The following ROBO1 variants were observed in gnomAD, a reference collection of about 807,000 sequenced individuals.
ROBO1 encodes the protein roundabout homolog 1.
Under a neutral mutation model 195.9 loss-of-function variants are expected in ROBO1, and 149 were observed. That is an observed-to-expected ratio of 0.76 (90% CI 0.67 to 0.87). The LOEUF (loss-of-function observed/expected upper bound fraction) is 0.87, where lower values mean the gene tolerates loss of function less well. Among genes scored for constraint, ROBO1 ranks in the 40% least tolerant of loss-of-function variants. The pLI, the probability that ROBO1 is intolerant of heterozygous loss-of-function variation, is 0.00. For synonymous variants in ROBO1, 816 were observed against 733.2 expected, an observed-to-expected ratio of 1.11 and a Z score of -1.82; for missense variants, 1,933 against 2,068.3, an observed-to-expected ratio of 0.93 and a Z score of 1.27.
chr3:79,061,491 GA>G (rs1159558831), intron 3 of ROBO1, among the ~76,000 whole-genome samples: 1 of 152,010 alleles, frequency 6.6e-6, no homozygotes, highest in African/African-American at 2.4e-5. Context: ...CACAGAATTG[GA>G]AAAAACTACT....
intron 2 of ROBO1, among the ~76,000 whole-genome samples, chr3:79,263,723 T>C (rs1416560753): frequency 6.6e-6 from 1 of 152,044 alleles, no homozygotes; most frequent in Non-Finnish European, 1.5e-5. Flanking sequence ...ATCATCAGTC[T>C]TCCTGTTTTG....
intron 3 of ROBO1, among the ~76,000 whole-genome samples, chr3:79,111,739 T>C (rs888266446): frequency 4.6e-5 from 7 of 152,162 alleles, no homozygotes; most frequent in African/African-American, 1.7e-4. Flanking sequence ...TAGCTGAATT[T>C]ATTGTTATGG....
chr3:79,485,411 T>C (rs1013826450), intron 2 of ROBO1, among the ~76,000 whole-genome samples: 1 of 152,084 alleles, frequency 6.6e-6, no homozygotes, highest in Admixed American at 6.6e-5. Context: ...GAATAAGTAA[T>C]GACATTATTA....
chr3:78,780,187 A>G (rs951139214), intron 4 of ROBO1, among the ~76,000 whole-genome samples: 1 of 152,122 alleles, frequency 6.6e-6, no homozygotes, highest in Admixed American at 6.6e-5. Context: ...GCACACCACC[A>G]TAGCACGTGT....
intron 2 of ROBO1, among the ~76,000 whole-genome samples, chr3:79,176,505 TG>T (rs2081263841): frequency 6.6e-6 from 1 of 152,186 alleles, no homozygotes; most frequent in African/African-American, 2.4e-5. Context: ...TCACCCAGGC[TG>T]GGGTGCAGTG....
At chr3:78,957,073 A>G (rs75453639) in intron 3 of ROBO1, among the ~76,000 whole-genome samples, 5 of 152,296 alleles carry the variant, frequency 3.3e-5, no homozygotes, top group East Asian at 1.9e-4. Context: ...TTCCTTCTCT[A>G]TAAGTGTGTG....
intron 2 of ROBO1, among the ~76,000 whole-genome samples, chr3:79,308,183 T>G (rs2033309636): frequency 6.6e-6 from 1 of 152,196 alleles, no homozygotes; most frequent in Admixed American, 6.5e-5. Context: ...AAAATGTATG[T>G]ACTCATTAAC....
chr3:78,986,457 T>C (rs1399830704), intron 3 of ROBO1, among the ~76,000 whole-genome samples: 1 of 151,766 alleles, frequency 6.6e-6, no homozygotes, highest in African/African-American at 2.4e-5. Context: ...ATCCCAACTC[T>C]CAAATCGCTT....
intron 8 of ROBO1, among the ~76,000 whole-genome samples, chr3:78,711,353 TC>T (rs2081701177): frequency 4.7e-5 from 2 of 42,374 alleles, no homozygotes; most frequent in African/African-American, 2.4e-4. Flanking sequence ...CCTTCCTCCT[TC>T]CTTCCTTCCT....
intron 2 of ROBO1, among the ~76,000 whole-genome samples, chr3:79,145,316 T>C (rs1057213349): frequency 6.6e-6 from 1 of 151,002 alleles, no homozygotes; most frequent in Admixed American, 6.6e-5. Flanking sequence ...ATTTATAGAC[T>C]CTGGAATCAA....
chr3:78,627,482 G>A lies in ROBO1; in HGVS notation c.3714C>T (p.Gly1238=), dbSNP rs757872468. ...DELEEEEDER[G]PTPPVRGAAS... is the part of the protein sequence containing the mutation. ...CTGCTCCCCGAACAGGGGGAGTGGGGCCTCGTTCATCTTCCTCCTCTTCTA... is the reference window on the plus strand; with the variant it reads ...CTGCTCCCCGAACAGGGGGAGTGGGACCTCGTTCATCTTCCTCCTCTTCTA... Residue 1238 remains glycine, a synonymous_variant, in exon 26 of 31, where the codon GGC becomes GGT. Transcript: ENST00000464233. 6.2e-7 allele frequency: 1 copy of A among 1,613,198 alleles called. No individual in the cohort carries two copies. The highest frequency in any genetic ancestry group is 8.5e-7 in the Non-Finnish European group (1 of 1,179,596).
In ROBO1 at chr3:79,262,656, A is replaced by C. The variant is rs188415357; in HGVS notation, c.89-137117T>G. 1.4e-3 allele frequency among the ~76,000 whole-genome samples: 213 copies of C among 152,236 alleles called. 1 individual carries two copies. The highest frequency in any genetic ancestry group is 2.5e-3 in the Non-Finnish European group (173 of 68,008). On this transcript the variant is annotated intron_variant, in intron 2 of 30. Coordinates refer to ENST00000464233, the MANE Select transcript of ROBO1 (RefSeq NM_002941.4). Reference sequence around the variant, plus strand: ...AATAAACATAGCTTACAGTACTAAAAGTACAAAGAGAAATTGCTTTTAAAA... The same window carrying C: ...AATAAACATAGCTTACAGTACTAAACGTACAAAGAGAAATTGCTTTTAAAA...
intron 2 of ROBO1, among the ~76,000 whole-genome samples, chr3:79,157,768 A>T (rs756235847): frequency 6.6e-6 from 1 of 151,948 alleles, no homozygotes; most frequent in Non-Finnish European, 1.5e-5. Context: ...TAATCTAGGT[A>T]ACCACAGATA....
chr3:79,306,098 T>C (rs1257617218), intron 2 of ROBO1, among the ~76,000 whole-genome samples: 4 of 152,202 alleles, frequency 2.6e-5, no homozygotes, highest in African/African-American at 9.7e-5. Flanking sequence ...ACTTACTTCA[T>C]AAATCTTTTG....
chr3:79,237,480 CAA>C lies in ROBO1; in HGVS notation c.89-111943_89-111942del, dbSNP rs11284278. On this transcript the variant is annotated intron_variant, in intron 2 of 30. Coordinates refer to ENST00000464233, the MANE Select transcript of ROBO1 (RefSeq NM_002941.4). ...TGGGCGACAGAGCAAGACTCCATCT[CAA>C]AAAAAAAAAAATAATAATAAAAAAG... Among the ~76,000 whole-genome samples, 428 of 147,518 alleles carry C rather than the reference CAA, an allele frequency of 2.9e-3. 3 individuals are homozygous for C. Among genetic ancestry groups the C allele is most frequent in the African/African-American group, 7.6e-3 (305 of 40,150 alleles).
At chr3:79,641,845 C>T (rs1314870047) in intron 1 of ROBO1, among the ~76,000 whole-genome samples, 1 of 151,912 alleles carries the variant, frequency 6.6e-6, no homozygotes, top group Admixed American at 6.6e-5. Flanking sequence ...TGGTGAAACC[C>T]CATCTCTATA....
At chr3:79,590,012 A>T (rs1458460481) in intron 1 of ROBO1, 51 bp from the exon 2 acceptor site, 1 of 763,864 alleles carries the variant, frequency 1.3e-6, no homozygotes, top group Non-Finnish European at 2.2e-6. Context: ...ATGCTGAGAA[A>T]CAATTATTTT....
At chr3:78,860,148 T>C (rs867196990) in intron 4 of ROBO1, among the ~76,000 whole-genome samples, 1 of 140,598 alleles carries the variant, frequency 7.1e-6, no homozygotes, top group East Asian at 2.0e-4. Flanking sequence ...GGTAGATAGA[T>C]AGATAGATAG....
At chr3:79,270,851 G>A (rs2030487448) in intron 2 of ROBO1, among the ~76,000 whole-genome samples, 1 of 151,750 alleles carries the variant, frequency 6.6e-6, no homozygotes, top group Admixed American at 6.6e-5. Context: ...GTTGAATTGT[G>A]CTTCACAAAC....
Sources: allele counts gnomAD v4.1 joint callset (sites outside exome capture counted in the v4.1 genomes callset), GRCh38; gene constraint gnomAD v4.1.1; transcripts MANE v1.5; gene names NCBI Gene and HGNC (gene_info 2026-07-23, HGNC 2026-07-21).